Variants in ADAM10 observed in about 807,000 individuals in gnomAD.
The protein encoded by ADAM10 is disintegrin and metalloproteinase domain-containing protein 10.
A neutral mutation model predicts 90.1 loss-of-function variants in ADAM10; 17 were observed. The observed-to-expected ratio is 0.19, with a 90% confidence interval of 0.13 to 0.28. The LOEUF (loss-of-function observed/expected upper bound fraction) is 0.28, where lower values mean the gene tolerates loss of function less well. ADAM10 is among the 10% of genes least tolerant of loss of function. The pLI, the probability that ADAM10 is intolerant of heterozygous loss-of-function variation, is 1.00. For missense variants in ADAM10, 610 were observed against 914.3 expected, an observed-to-expected ratio of 0.67 and a Z score of 4.29; for synonymous variants, 310 against 298.6, an observed-to-expected ratio of 1.04 and a Z score of -0.40.
At position 58,595,938 on chromosome 15, in the gene ADAM10, C is replaced by G. The variant is rs1439987094; in HGVS notation, c.*1609G>C. 1 of 152,040 alleles carries G rather than the reference C, an allele frequency of 6.6e-6. No homozygotes were observed. The highest frequency in any genetic ancestry group is 2.1e-4 in the South Asian group (1 of 4,832). The allele number at this position is 152,040 out of a possible 1,614,324, so 9.4% of individuals were successfully genotyped here. On this transcript the variant is annotated 3_prime_UTR_variant, in exon 16 of 16. Transcript: ENST00000260408. ...GGGGTTTCATGTACAAAATTTGTCT[C>G]TAAATCATGTACAAAAAGCTGTATT...
At chr15:58,617,373 G>T (rs1171912013) in intron 11 of ADAM10, among the ~76,000 whole-genome samples, 1 of 152,028 alleles carries the variant, frequency 6.6e-6, no homozygotes, top group Non-Finnish European at 1.5e-5. Context: ...TACCAAGATT[G>T]AAATAAGAAT....
chr15:58,639,180 T>G (rs1343254100), intron 8 of ADAM10, among the ~76,000 whole-genome samples: 1 of 152,226 alleles, frequency 6.6e-6, no homozygotes, highest in Non-Finnish European at 1.5e-5. Context: ...CAAACTTCAC[T>G]GTGCATCAGA....
At chr15:58,639,937 T>A (rs1230815072) in intron 8 of ADAM10, among the ~76,000 whole-genome samples, 1 of 152,204 alleles carries the variant, frequency 6.6e-6, no homozygotes, top group Admixed American at 6.5e-5. Flanking sequence ...AAGGAGAATC[T>A]GTTGTATATA....
chr15:58,668,284 T>C lies in ADAM10; in HGVS notation c.485-3087A>G, dbSNP rs1596047948. Among the ~76,000 whole-genome samples the C allele has an allele frequency of 2.0e-5, 3 of 152,284 alleles. No individual in the cohort carries two copies. In the South Asian group the frequency reaches 6.2e-4, roughly 32 times the overall value. ...CAAAAAATGTTTATTAACAAATTAA[T>C]CAGTTGTTAAACCTGTAAAACTTAC... On this transcript the variant is annotated intron_variant, in intron 4 of 15. Transcript: ENST00000260408.
At chr15:58,599,121 A>T (rs1170823694) in intron 15 of ADAM10, among the ~76,000 whole-genome samples, 2 of 143,376 alleles carry the variant, frequency 1.4e-5, no homozygotes, top group African/African-American at 5.0e-5. Context: ...GCTCAGGAGT[A>T]AGTCCAGCCT....
chr15:58,643,239 C>A (rs1444674313), intron 7 of ADAM10, among the ~76,000 whole-genome samples: 1 of 151,824 alleles, frequency 6.6e-6, no homozygotes, highest in Non-Finnish European at 1.5e-5. Flanking sequence ...TACTACGTGA[C>A]CCTATGGCTC....
At chr15:58,731,598 A>G (rs1461570895) in intron 1 of ADAM10, among the ~76,000 whole-genome samples, 1 of 152,180 alleles carries the variant, frequency 6.6e-6, no homozygotes, top group African/African-American at 2.4e-5. Context: ...ACTGCACTCC[A>G]GCCTGAGTGA....
rs1894812042 is a variant in ADAM10 at position 58,590,950 on chromosome 15, C to A, written c.*6597G>T. 1 of 152,148 alleles carries A rather than the reference C, an allele frequency of 6.6e-6. No homozygotes were observed. The highest frequency in any genetic ancestry group is 2.4e-5 in the African/African-American group (1 of 41,432). The allele number at this position is 152,148 out of a possible 1,614,324, so 9.4% of individuals were successfully genotyped here. ...AACTACAGAATATCTTTTTAAAGATCTATTTCCACCTCCAGGGAACATGAT... is the reference window on the plus strand; with the variant it reads ...AACTACAGAATATCTTTTTAAAGATATATTTCCACCTCCAGGGAACATGAT... On this transcript the variant is annotated 3_prime_UTR_variant, in exon 16 of 16. Transcript: ENST00000260408.
chr15:58,744,197 C>T (rs1410120760), intron 1 of ADAM10, among the ~76,000 whole-genome samples: 3 of 151,346 alleles, frequency 2.0e-5, no homozygotes, highest in Non-Finnish European at 4.4e-5. Flanking sequence ...ATCCAGGCAA[C>T]CTCAATGCTA....
intron 8 of ADAM10, among the ~76,000 whole-genome samples, chr15:58,636,783 TC>T (rs1896267606): frequency 6.6e-6 from 1 of 152,176 alleles, no homozygotes; most frequent in African/African-American, 2.4e-5. Flanking sequence ...CTTGACATAT[TC>T]CATAAATACA....
rs201470409 is a variant in ADAM10 at position 58,621,422 on chromosome 15, T to C, written c.1511+49A>G. ...CAGTTTTAAATTTGTCATAACTGCA[T>C]TGAGGTAACTTTACAAGAATGTTAA... On this transcript the variant is annotated intron_variant, in intron 11 of 15. Transcript: ENST00000260408. 148 of 1,608,626 alleles carry C rather than the reference T, an allele frequency of 9.2e-5. 1 individual carries two copies. In the South Asian group the frequency reaches 1.3e-3, roughly 14 times the overall value.
rs71844307 is a variant in ADAM10, at chr15:58,730,003, C to CA, written c.56-12277dup. 8.4e-3 allele frequency among the ~76,000 whole-genome samples: 893 copies of CA among 106,354 alleles called. 19 individuals are homozygous for CA. Among genetic ancestry groups the CA allele is most frequent in the African/African-American group, 0.019 (623 of 32,188 alleles). 69.8% of individuals were successfully genotyped at this position (106,354 alleles called of 152,430 possible). On this transcript the variant is annotated intron_variant, in intron 1 of 15. Coordinates refer to ENST00000260408, the MANE Select transcript of ADAM10 (RefSeq NM_001110.4). ...AACAAAAACAAAACAAACAAACAAA[C>CA]AAAAAAAAAAACTCATTGAAGCACT...
At chr15:58,733,825 C>G (rs986871585) in intron 1 of ADAM10, among the ~76,000 whole-genome samples, 1 of 151,516 alleles carries the variant, frequency 6.6e-6, no homozygotes, top group Non-Finnish European at 1.5e-5. Flanking sequence ...ACTAGGAGTA[C>G]CAAACCATGC....
At chr15:58,693,066 G>A (rs765950785) in intron 2 of ADAM10, 2 of 748,760 alleles carry the variant, frequency 2.7e-6, no homozygotes, top group Admixed American at 3.5e-5. Flanking sequence ...AAGCATTAGA[G>A]ATCAACTCCT....
intron 1 of ADAM10, among the ~76,000 whole-genome samples, chr15:58,731,939 T>G (rs761590534): frequency 2.0e-5 from 3 of 152,202 alleles, no homozygotes; most frequent in Non-Finnish European, 4.4e-5. Context: ...TCTGGTTCAC[T>G]GTAACCTAGA....
intron 1 of ADAM10, among the ~76,000 whole-genome samples, chr15:58,725,385 A>C (rs113850646): frequency 3.3e-5 from 5 of 150,198 alleles, no homozygotes; most frequent in African/African-American, 1.2e-4. Context: ...AAAAAAAAAA[A>C]GTAAAAATTA....
chr15:58,605,475 A>G lies in ADAM10; in HGVS notation c.2025+4822T>C, dbSNP rs116731917. Among the ~76,000 whole-genome samples, 611 of 152,352 alleles carry G rather than the reference A, an allele frequency of 4.0e-3. 5 individuals are homozygous for G. The highest frequency in any genetic ancestry group is 0.014 in the African/African-American group (576 of 41,570). On this transcript the variant is annotated intron_variant, in intron 14 of 15. Transcript: ENST00000260408. ...CCTTTTTAAAAAAAGAATGAGTTAA[A>G]TGCTAAATTACATGCTATCCCCTTT... is the stretch of plus-strand genomic sequence containing the variant.
intron 10 of ADAM10, 51 bp downstream of exon 10, chr15:58,627,649 G>C: frequency 6.6e-7 from 1 of 1,525,088 alleles, no homozygotes; most frequent in Non-Finnish European, 9.1e-7. Context: ...CTTTCAAGTT[G>C]TCTGAATGTT....
intron 1 of ADAM10, among the ~76,000 whole-genome samples, chr15:58,740,192 T>C (rs148109667): frequency 5.8e-4 from 88 of 152,216 alleles, no homozygotes; most frequent in African/African-American, 1.8e-3. Flanking sequence ...GGAGGATCAC[T>C]TGAGGTCTAG....
Sources: allele counts gnomAD v4.1 joint callset (sites outside exome capture counted in the v4.1 genomes callset), GRCh38; gene constraint gnomAD v4.1.1; transcripts MANE v1.5; gene names NCBI Gene and HGNC (gene_info 2026-07-23, HGNC 2026-07-21).